The following CPQ variants were observed in gnomAD, a reference collection of about 807,000 sequenced individuals.
The protein encoded by CPQ is Ser-Met dipeptidase.
CPQ carries 37 observed loss-of-function variants against 45.7 expected under a neutral mutation model. The ratio of observed to expected loss-of-function variants is 0.81; its 90% CI spans 0.62 to 1.07. The LOEUF is 1.07. Among genes scored for constraint, CPQ ranks in the 50% least tolerant of loss-of-function variants. CPQ has a pLI of 0.00. For missense variants in CPQ, 537 were observed against 572.9 expected (o/e 0.94, Z 0.64); for synonymous variants, 186 against 205.8 (o/e 0.90, Z 0.82).
intron 4 of CPQ, among the ~76,000 whole-genome samples, chr8:96,962,894 GT>G (rs142548338): frequency 0.031 from 4,616 of 150,960 alleles, 236 homozygotes; most frequent in African/African-American, 0.11. Flanking sequence ...TGTTGCCCCA[GT>G]TTTTTTTTCT....
chr8:96,749,396 C>T (rs1810230737), intron 1 of CPQ, among the ~76,000 whole-genome samples: 1 of 152,184 alleles, frequency 6.6e-6, no homozygotes, highest in East Asian at 1.9e-4. Context: ...CTTGGAACTA[C>T]CTTTTTAGAT....
In CPQ at chr8:96,687,413, A is replaced by G. The variant is rs1809246758; in HGVS notation, c.-35+42011A>G. Among the ~76,000 whole-genome samples the G allele has an allele frequency of 2.6e-5, 4 of 152,036 alleles. 1 individual carries two copies. The South Asian group carries it at 8.3e-4, about 31-fold the overall frequency. ...TTTTTAGTAGAGATGGGGTTTCACC[A>G]TATTGACCAGGCTGGTCTCGAACTT... On this transcript the variant is annotated intron_variant, in intron 1 of 7. Transcript: ENST00000220763.
At chr8:96,975,332 T>C (rs1354450050) in intron 5 of CPQ, among the ~76,000 whole-genome samples, 15 of 151,960 alleles carry the variant, frequency 9.9e-5, no homozygotes. Context: ...GAGATTGAAA[T>C]GGTAATTAAA....
chr8:96,759,439 A>G (rs1361022231), intron 1 of CPQ, among the ~76,000 whole-genome samples: 1 of 152,124 alleles, frequency 6.6e-6, no homozygotes, highest in Non-Finnish European at 1.5e-5. Context: ...ATTATTATAT[A>G]TATTTTTGTA....
intron 4 of CPQ, among the ~76,000 whole-genome samples, chr8:96,947,059 C>G (rs1414220625): frequency 6.6e-6 from 1 of 151,996 alleles, no homozygotes; most frequent in Non-Finnish European, 1.5e-5. Context: ...TGCTGTATCC[C>G]CAGTACATAG....
intron 6 of CPQ, among the ~76,000 whole-genome samples, chr8:97,035,172 T>G (rs922674688): frequency 6.6e-6 from 1 of 152,332 alleles, no homozygotes; most frequent in African/African-American, 2.4e-5. Context: ...ATTACAGGTG[T>G]GAGCCACCAC....
At chr8:96,801,765 C>A (rs772433122) in intron 2 of CPQ, among the ~76,000 whole-genome samples, 7 of 152,114 alleles carry the variant, frequency 4.6e-5, no homozygotes, top group Non-Finnish European at 8.8e-5. Flanking sequence ...TTAATAAACA[C>A]CCCATTCCAT....
chr8:96,851,060 A>G (rs1175905631), intron 3 of CPQ, among the ~76,000 whole-genome samples: 1 of 152,186 alleles, frequency 6.6e-6, no homozygotes, highest in East Asian at 1.9e-4. Context: ...CATACACTCA[A>G]TAGCTTTTAT....
chr8:96,998,882 G>C (rs1336414135), intron 5 of CPQ, among the ~76,000 whole-genome samples: 2 of 151,944 alleles, frequency 1.3e-5, no homozygotes, highest in African/African-American at 4.8e-5. Flanking sequence ...CCAAAAAACT[G>C]CCTTTGTTAA....
intron 7 of CPQ, among the ~76,000 whole-genome samples, chr8:97,132,083 A>ATTAG (rs1029206998): frequency 4.6e-5 from 7 of 152,204 alleles, no homozygotes; most frequent in African/African-American, 1.7e-4. Flanking sequence ...GTTGTAAAGA[A>ATTAG]TTAGTTAGTC....
rs113952482 is a variant in CPQ, at chr8:96,795,825, G to A, written c.433+10495G>A. 1.1e-3 allele frequency among the ~76,000 whole-genome samples: 174 copies of A among 152,098 alleles called. 1 individual carries two copies. Among genetic ancestry groups the A allele is most frequent in the African/African-American group, 3.3e-3 (138 of 41,530 alleles). ...TTTTAATAAATGACATATAAAGGAGGAATCATTGGTATATTCTAGGAAGTT... is the reference window on the plus strand; with the variant it reads ...TTTTAATAAATGACATATAAAGGAGAAATCATTGGTATATTCTAGGAAGTT... On this transcript the variant is annotated intron_variant, in intron 2 of 7. Coordinates refer to ENST00000220763, the MANE Select transcript of CPQ (RefSeq NM_016134.4).
intron 3 of CPQ, among the ~76,000 whole-genome samples, chr8:96,845,230 T>C (rs1811668190): frequency 6.6e-6 from 1 of 152,200 alleles, no homozygotes; most frequent in Non-Finnish European, 1.5e-5. Context: ...CCTAATTATA[T>C]TTGGTAATTT....
chr8:96,719,791 A>G (rs1223334181), intron 1 of CPQ, among the ~76,000 whole-genome samples: 1 of 151,542 alleles, frequency 6.6e-6, no homozygotes, highest in Non-Finnish European at 1.5e-5. Context: ...TTTCTCATAT[A>G]CTCCCTACTG....
intron 3 of CPQ, among the ~76,000 whole-genome samples, chr8:96,860,717 G>T (rs1442821501): frequency 6.6e-6 from 1 of 152,118 alleles, no homozygotes; most frequent in African/African-American, 2.4e-5. Flanking sequence ...GTGGAATTAA[G>T]CTCCTGGCTC....
intron 6 of CPQ, among the ~76,000 whole-genome samples, chr8:97,049,260 A>C (rs1312609482): frequency 6.6e-6 from 1 of 152,188 alleles, no homozygotes; most frequent in Non-Finnish European, 1.5e-5. Flanking sequence ...TGTGTATAAT[A>C]CACCTCCTTC....
chr8:97,118,795 CAT>C (rs1285849737), intron 7 of CPQ, among the ~76,000 whole-genome samples: 6 of 152,010 alleles, frequency 3.9e-5, no homozygotes, highest in Admixed American at 1.3e-4. Context: ...GGTACACACA[CAT>C]ATGTGCTATA....
At chr8:96,739,854 G>A (rs1333790523) in intron 1 of CPQ, among the ~76,000 whole-genome samples, 1 of 151,762 alleles carries the variant, frequency 6.6e-6, no homozygotes, top group Admixed American at 6.6e-5. Flanking sequence ...ATGCTGTTTT[G>A]GTTACTGTAG....
intron 5 of CPQ, among the ~76,000 whole-genome samples, chr8:96,966,740 G>A (rs1275658430): frequency 2.0e-5 from 3 of 152,164 alleles, no homozygotes; most frequent in Non-Finnish European, 2.9e-5. Context: ...TGAATACAGG[G>A]TCATTTTGTT....
intron 4 of CPQ, among the ~76,000 whole-genome samples, chr8:96,961,350 T>C (rs1264114120): frequency 1.3e-5 from 2 of 152,256 alleles, no homozygotes; most frequent in East Asian, 3.8e-4. Flanking sequence ...ATTTCTTTTC[T>C]GTGAAATGCC....
Sources: allele counts gnomAD v4.1 joint callset (sites outside exome capture counted in the v4.1 genomes callset), GRCh38; gene constraint gnomAD v4.1.1; transcripts MANE v1.5; gene names NCBI Gene and HGNC (gene_info 2026-07-23, HGNC 2026-07-21).